Variants in CCSER1 observed in about 807,000 individuals in gnomAD.
CCSER1 encodes serine-rich coiled-coil domain-containing protein 1.
A neutral mutation model predicts 82.0 loss-of-function variants in CCSER1; 41 were observed. The ratio of observed to expected loss-of-function variants is 0.50; its 90% CI spans 0.39 to 0.65. The LOEUF is 0.65. Ranked by LOEUF, CCSER1 falls within the 30% of genes least tolerant of loss-of-function variation. The pLI, the probability that CCSER1 is intolerant of heterozygous loss-of-function variation, is 0.00. For missense variants in CCSER1, 1,119 were observed against 1,064.2 expected (o/e 1.05, Z -0.72); for synonymous variants, 414 against 383.9 (o/e 1.08, Z -0.92).
intron 10 of CCSER1, among the ~76,000 whole-genome samples, chr4:91,587,463 C>CAT (rs1764054195): frequency 6.6e-6 from 1 of 151,748 alleles, no homozygotes; most frequent in Non-Finnish European, 1.5e-5. Context: ...AAAGATCAGA[C>CAT]ATATATATGT....
At chr4:91,057,628 A>G (rs746552626) in intron 9 of CCSER1, among the ~76,000 whole-genome samples, 6 of 152,184 alleles carry the variant, frequency 3.9e-5, no homozygotes, top group Admixed American at 3.3e-4. Context: ...ATGTTTGTGT[A>G]GACAATTGTT....
chr4:91,149,978 A>G (rs1368604227), intron 10 of CCSER1, among the ~76,000 whole-genome samples: 5 of 152,118 alleles, frequency 3.3e-5, no homozygotes, highest in Admixed American at 1.3e-4. Context: ...TTTTGGTTCC[A>G]TGTGAACTTT....
intron 10 of CCSER1, among the ~76,000 whole-genome samples, chr4:91,416,206 A>T (rs189624499): frequency 3.2e-4 from 49 of 152,288 alleles, no homozygotes; most frequent in African/African-American, 9.1e-4. Flanking sequence ...CAGAGAGAAC[A>T]CATACAAATG....
chr4:91,257,194 G>T (rs940175217), intron 10 of CCSER1, among the ~76,000 whole-genome samples: 1 of 152,040 alleles, frequency 6.6e-6, no homozygotes, highest in African/African-American at 2.4e-5. Context: ...CATATGTTTA[G>T]ATATGTTACG....
intron 3 of CCSER1, among the ~76,000 whole-genome samples, chr4:90,326,797 C>T (rs886795774): frequency 1.3e-5 from 2 of 152,022 alleles, no homozygotes; most frequent in Non-Finnish European, 2.9e-5. Flanking sequence ...TTTCGGCATC[C>T]GATGAGCCCT....
Position 90,451,252 on chromosome 4 carries a change from C to T in CCSER1, c.1604-16982C>T, listed in dbSNP as rs149381353. 1.9e-3 allele frequency among the ~76,000 whole-genome samples: 290 copies of T among 152,182 alleles called. 1 individual carries two copies. Among genetic ancestry groups the T allele is most frequent in the African/African-American group, 6.4e-3 (267 of 41,510 alleles). Reference sequence around the variant, plus strand: ...AATTAGTGCTTTTATCACCTCAGAGCCTTTCTCTGTTCATCATGGAAATGC... The same window carrying T: ...AATTAGTGCTTTTATCACCTCAGAGTCTTTCTCTGTTCATCATGGAAATGC... On this transcript the variant is annotated intron_variant, in intron 4 of 10. Coordinates refer to ENST00000509176, the MANE Select transcript of CCSER1 (RefSeq NM_001145065.2).
chr4:90,358,987 T>A (rs972880089), intron 3 of CCSER1, among the ~76,000 whole-genome samples: 1 of 152,202 alleles, frequency 6.6e-6, no homozygotes, highest in African/African-American at 2.4e-5. Flanking sequence ...GAAAAGATAC[T>A]TTTAAAAATG....
At chr4:90,430,172 C>T (rs961522959) in intron 4 of CCSER1, among the ~76,000 whole-genome samples, 1 of 151,852 alleles carries the variant, frequency 6.6e-6, no homozygotes, top group African/African-American at 2.4e-5. Context: ...ATTACAGTTA[C>T]AATTTGTACT....
chr4:90,549,206 A>C (rs1777156925), intron 5 of CCSER1, among the ~76,000 whole-genome samples: 1 of 152,192 alleles, frequency 6.6e-6, no homozygotes, highest in Non-Finnish European at 1.5e-5. Flanking sequence ...TGATTTAGCA[A>C]AACATGATGT....
At chr4:91,046,773 A>C (rs1310893943) in intron 9 of CCSER1, among the ~76,000 whole-genome samples, 1 of 151,972 alleles carries the variant, frequency 6.6e-6, no homozygotes, top group Non-Finnish European at 1.5e-5. Flanking sequence ...GCTGGAGTGC[A>C]GTGGCACGAT....
chr4:90,437,280 C>T (rs1578460891), intron 4 of CCSER1, among the ~76,000 whole-genome samples: 1 of 120,710 alleles, frequency 8.3e-6, no homozygotes, highest in East Asian at 4.8e-4. Flanking sequence ...TGCGCGCGCA[C>T]ACACACACAT....
rs147480653 is a variant in CCSER1 at position 91,304,752 on chromosome 4, G to A, written c.2217+218758G>A. ...ATGAATCACAATACAATCCCCGAAT[G>A]TTAATGGAAACATATGTATTTATTA... On this transcript the variant is annotated intron_variant, in intron 10 of 10. Coordinates refer to ENST00000509176, the MANE Select transcript of CCSER1 (RefSeq NM_001145065.2). Among the ~76,000 whole-genome samples, 113 of 152,096 alleles carry A rather than the reference G, an allele frequency of 7.4e-4. 1 individual carries two copies. The highest frequency in any genetic ancestry group is 1.2e-3 in the Non-Finnish European group (83 of 67,956).
At chr4:90,916,342 C>T (rs1179571099) in intron 8 of CCSER1, among the ~76,000 whole-genome samples, 21 of 152,124 alleles carry the variant, frequency 1.4e-4, no homozygotes, top group Non-Finnish European at 1.2e-4. Flanking sequence ...CAGAACAGAG[C>T]CCTCAGATAT....
chr4:91,186,844 GC>G (rs1383827335), intron 10 of CCSER1, among the ~76,000 whole-genome samples: 1 of 152,232 alleles, frequency 6.6e-6, no homozygotes, highest in African/African-American at 2.4e-5. Context: ...GCTTAAGAAT[GC>G]CTTTAAGCAG....
chr4:91,343,332 T>G (rs2149290096), intron 10 of CCSER1, among the ~76,000 whole-genome samples: 1 of 152,284 alleles, frequency 6.6e-6, no homozygotes, highest in South Asian at 2.1e-4. Context: ...TTCCACATTA[T>G]ATGCTTGACA....
At chr4:91,260,331 G>A (rs1741008710) in intron 10 of CCSER1, among the ~76,000 whole-genome samples, 1 of 152,126 alleles carries the variant, frequency 6.6e-6, no homozygotes, top group Admixed American at 6.5e-5. Context: ...GCATGGGCTT[G>A]GAGATAGGGG....
intron 3 of CCSER1, among the ~76,000 whole-genome samples, chr4:90,347,221 C>T (rs1335130935): frequency 6.6e-6 from 1 of 152,050 alleles, no homozygotes; most frequent in Non-Finnish European, 1.5e-5. Context: ...ACTTGTTTAT[C>T]AGGCTGCCAA....
intron 1 of CCSER1, among the ~76,000 whole-genome samples, chr4:90,145,070 T>C (rs1313963012): frequency 6.6e-6 from 1 of 152,112 alleles, no homozygotes; most frequent in Non-Finnish European, 1.5e-5. Flanking sequence ...CTTCCAGGTA[T>C]CAAGTATTAT....
chr4:91,153,883 AG>A (rs1730522548), intron 10 of CCSER1, among the ~76,000 whole-genome samples: 1 of 151,842 alleles, frequency 6.6e-6, no homozygotes, highest in South Asian at 2.1e-4. Context: ...TTTGTCTCAG[AG>A]GGGCCCCCGG....
Sources: gnomAD v4.1 joint callset for allele counts (sites outside exome capture counted in the v4.1 genomes callset) on GRCh38, gnomAD v4.1.1 for gene constraint, MANE v1.5 for transcripts, NCBI Gene and HGNC (gene_info 2026-07-23, HGNC 2026-07-21) for gene names.